The following ANGEL1 variants were observed in gnomAD, a reference collection of about 807,000 sequenced individuals.
ANGEL1 encodes angel homolog 1.
ANGEL1 carries 62 observed loss-of-function variants against 76.4 expected under a neutral mutation model. That is an observed-to-expected ratio of 0.81 (90% CI 0.66 to 1.00). ANGEL1 has a LOEUF of 1.00. Among genes scored for constraint, ANGEL1 ranks in the 50% least tolerant of loss-of-function variants. ANGEL1 has a pLI of 0.00. For synonymous variants in ANGEL1, 340 were observed against 331.7 expected (o/e 1.03, Z -0.27); for missense variants, 737 against 836.7 (o/e 0.88, Z 1.47).
At position 76,809,626 on chromosome 14, in the gene ANGEL1, G is replaced by A. The variant is rs146648609; in HGVS notation, c.82C>T (p.Arg28Ter). The A allele has an allele frequency of 1.1e-3, 1,785 of 1,612,924 alleles. 4 individuals are homozygous for A. The highest frequency in any genetic ancestry group is 4.7e-3 in the South Asian group (427 of 91,028). ...RALSDAFFTC[R>*]KNVLLANSSS... ...CTGTTCGCCAGAAGGACATTTTTTCGACATGTGAAGAAAGCATCTAGGAGG... is the reference window on the plus strand; with the variant it reads ...CTGTTCGCCAGAAGGACATTTTTTCAACATGTGAAGAAAGCATCTAGGAGG... The change falls in exon 2 of 10, where the codon CGA (arginine) becomes TGA (stop). Residue 28 changes from arginine to a stop codon, truncating the protein, a stop_gained. Coordinates refer to ENST00000251089, the MANE Select transcript of ANGEL1 (RefSeq NM_015305.4). LOFTEE classifies it high-confidence loss of function.
Position 76,812,788 on chromosome 14 carries a change from T to C in ANGEL1, c.40A>G (p.Thr14Ala), listed in dbSNP as rs1419216503. The C allele has an allele frequency of 2.0e-6, 3 of 1,522,086 alleles. No homozygotes were observed. The highest frequency in any genetic ancestry group is 2.8e-5 in the African/African-American group (2 of 70,310). The allele number at this position is 1,522,086 out of a possible 1,614,324, so 94.3% of individuals were successfully genotyped here. Reference sequence around the variant, plus strand: ...CCTGAGAGGGCGCGGAAGAGGCGCGTGGCCGGCAGCAGCAGGTAACACAAG... The same window carrying C: ...CCTGAGAGGGCGCGGAAGAGGCGCGCGGCCGGCAGCAGCAGGTAACACAAG... The part of the protein sequence containing the change: ...SCLCYLLLPA[T>A]RLFRALSDAF... The change falls in exon 1 of 10, where the codon ACG becomes GCG. Residue 14 changes from threonine (T) to alanine (A), a missense_variant. Coordinates refer to ENST00000251089, the MANE Select transcript of ANGEL1 (RefSeq NM_015305.4).
chr14:76,809,562 G>C lies in ANGEL1; in HGVS notation c.146C>G (p.Pro49Arg). ...PQVEGDFAMA[P>R]RGPEQEECEG... ...ACATTCCTCCTGCTCAGGGCCCCGA[G>C]GGGCCATGGCAAAGTCGCCCTCTAC... is the stretch of plus-strand genomic sequence containing the variant. Residue 49 changes from proline (P) to arginine (R), a missense_variant, in exon 2 of 10, where the codon CCT becomes CGT. This residue lies in a region of ANGEL1 where 441 missense variants were observed against 449.5 expected (regional missense o/e 0.98). Coordinates refer to ENST00000251089, the MANE Select transcript of ANGEL1 (RefSeq NM_015305.4). 6.2e-7 allele frequency: 1 copy of C among 1,614,212 alleles called. No individual in the cohort carries two copies. Among genetic ancestry groups the C allele is most frequent in the Non-Finnish European group, 8.5e-7 (1 of 1,180,054 alleles).
chr14:76,806,825 C>T lies in ANGEL1; in HGVS notation c.971G>A (p.Arg324Lys), dbSNP rs1220115944. ...MMGFTCFYKR[R>K]TGCKTDGCAV... ...ACAGCCATCGGTTTTACACCCAGTC[C>T]TCCTCTTGTAGAAACAGGTAAAGCC... Residue 324 changes from arginine (R) to lysine (K), a missense_variant, in exon 5 of 10, where the codon AGG becomes AAG. By Grantham distance (26) the Arg-to-Lys change is conservative. Coordinates refer to ENST00000251089, the MANE Select transcript of ANGEL1 (RefSeq NM_015305.4). 1 of 1,613,716 alleles carries T rather than the reference C, an allele frequency of 6.2e-7. No homozygotes were observed. The highest frequency in any genetic ancestry group is 1.3e-5 in the African/African-American group (1 of 75,046).
chr14:76,791,166 C>A, intron 8 of ANGEL1, 131 bp downstream of exon 8: 3 of 1,003,230 alleles, frequency 3.0e-6, no homozygotes, highest in Middle Eastern at 3.1e-4. Context: ...ATAAGTTTAG[C>A]AGATATTAGG....
intron 7 of ANGEL1, among the ~76,000 whole-genome samples, chr14:76,797,689 T>C (rs984419064): frequency 6.6e-6 from 1 of 152,266 alleles, no homozygotes; most frequent in Non-Finnish European, 1.5e-5. Flanking sequence ...GCCTTTGCTG[T>C]GTGACTGTGT....
At chr14:76,795,430 T>G (rs1894548088) in intron 7 of ANGEL1, among the ~76,000 whole-genome samples, 4 of 152,218 alleles carry the variant, frequency 2.6e-5, no homozygotes, top group Middle Eastern at 3.2e-3. Flanking sequence ...TGCATCAATA[T>G]TCACAGGTGG....
intron 1 of ANGEL1, 86 bp downstream of exon 1, chr14:76,812,677 GC>G: frequency 1.4e-6 from 2 of 1,404,840 alleles, no homozygotes; most frequent in Middle Eastern, 2.5e-4. Flanking sequence ...GTGAGGCCCG[GC>G]CAACCGCACG....
chr14:76,806,007 C>G (rs546281309), intron 5 of ANGEL1, among the ~76,000 whole-genome samples: 1 of 152,288 alleles, frequency 6.6e-6, no homozygotes, highest in Admixed American at 6.5e-5. Flanking sequence ...ATTACAATAT[C>G]ATAGGAACAT....
chr14:76,812,599 A>G, intron 1 of ANGEL1, 165 bp downstream of exon 1: 1 of 1,299,624 alleles, frequency 7.7e-7, no homozygotes, highest in Non-Finnish European at 9.8e-7. Context: ...TGGGGTCAGG[A>G]GGGGCCCGCG....
intron 1 of ANGEL1, chr14:76,810,237 C>A (rs571322277): frequency 2.2e-5 from 10 of 454,748 alleles, no homozygotes; most frequent in African/African-American, 8.0e-5. Context: ...GCCTGGGCAA[C>A]ATAACGAAAC....
intron 8 of ANGEL1, 66 bp downstream of exon 8, chr14:76,791,231 G>A: frequency 6.4e-7 from 1 of 1,550,502 alleles, no homozygotes; most frequent in Non-Finnish European, 8.9e-7. Context: ...GACAACCAAT[G>A]GGAATCTCTC....
At chr14:76,802,864 T>C (rs1894807389) in intron 7 of ANGEL1, among the ~76,000 whole-genome samples, 1 of 152,236 alleles carries the variant, frequency 6.6e-6, no homozygotes, top group African/African-American at 2.4e-5. Flanking sequence ...TATCTTCAAA[T>C]TTCCCAGTTT....
chr14:76,787,243 T>C lies in ANGEL1; in HGVS notation c.*1985A>G, dbSNP rs929341691. 13 of 151,790 alleles carry C rather than the reference T, an allele frequency of 8.6e-5. No homozygotes were observed. The highest frequency in any genetic ancestry group is 1.5e-4 in the African/African-American group (6 of 41,334). 9.4% of individuals were successfully genotyped at this position (151,790 alleles called of 1,614,324 possible). On this transcript the variant is annotated 3_prime_UTR_variant, in exon 10 of 10. Transcript: ENST00000251089. The stretch of plus-strand genomic sequence containing the variant: ...CAGGATCCTAATAAAATGAACAACA[T>C]TGGGGGGAAAAAAGGTAAACCTTTA...
rs376409161 is a variant in ANGEL1, at chr14:76,803,916, G to C, written c.1381-4C>G. ...AGAAGTCTTCCTGTCCAGATACCTG[G>C]GTGGAAAAAGAAGGGTGGGAATAAG... is the stretch of plus-strand genomic sequence containing the variant. On this transcript the variant is annotated splice_polypyrimidine_tract_variant and splice_region_variant and intron_variant, in intron 5 of 9. Coordinates refer to ENST00000251089, the MANE Select transcript of ANGEL1 (RefSeq NM_015305.4). The C allele has an allele frequency of 4.4e-5, 71 of 1,613,988 alleles. No homozygotes were observed. In the African/African-American group the frequency reaches 8.5e-4, roughly 19 times the overall value.
Position 76,809,502 on chromosome 14 carries a change from A to C in ANGEL1, c.206T>G (p.Leu69Trp), listed in dbSNP as rs773312655. 1 of 1,614,248 alleles carries C rather than the reference A, an allele frequency of 6.2e-7. No individual in the cohort carries two copies. The highest frequency in any genetic ancestry group is 8.5e-7 in the Non-Finnish European group (1 of 1,180,046). Residue 69 changes from leucine (L) to tryptophan (W), a missense_variant, in exon 2 of 10, where the codon TTG becomes TGG. This residue lies in a region of ANGEL1 where 441 missense variants were observed against 449.5 expected (regional missense o/e 0.98). Transcript: ENST00000251089. ...ACTTGCAGTTGAGAGCACCTGGCTC[A>C]ACCCTTCTTCTCGCCACTGCTGCAG... Reference protein sequence around the residue: ...GLLQQWREEGLSQVLSTASEG... With the variant: ...GLLQQWREEGWSQVLSTASEG...
chr14:76,809,260 T>C lies in ANGEL1; in HGVS notation c.448A>G (p.Ile150Val). The C allele has an allele frequency of 6.2e-7, 1 of 1,613,294 alleles. No homozygotes were observed. The change falls in exon 2 of 10, where the codon ATC (isoleucine) becomes GTC (valine). Residue 150 changes from isoleucine (I) to valine (V), a missense_variant. This residue lies in a region of ANGEL1 where 441 missense variants were observed against 449.5 expected (regional missense o/e 0.98). Transcript: ENST00000251089. ...TACTGGGGCTCCGACTGCATGGGGA[T>C]AGCTGCCCACATGGAGCCCTCCACC... ...EGVEGSMWAA[I>V]PMQSEPQYAD... is the part of the protein sequence containing the mutation.
chr14:76,806,218 A>T (rs188326943), intron 5 of ANGEL1, among the ~76,000 whole-genome samples, 198 bp downstream of exon 5: 5 of 152,342 alleles, frequency 3.3e-5, no homozygotes, highest in Admixed American at 3.3e-4. Context: ...AAAAACTGAA[A>T]AAAATTCCAA....
At chr14:76,790,857 A>G in intron 8 of ANGEL1, 83 bp from the exon 9 acceptor site, 1 of 1,445,736 alleles carries the variant, frequency 6.9e-7, no homozygotes, top group Non-Finnish European at 9.1e-7. Context: ...TTTTATGAAG[A>G]TTTTTTAAAA....
chr14:76,792,011 C>T (rs969770651), intron 7 of ANGEL1, among the ~76,000 whole-genome samples: 3 of 152,018 alleles, frequency 2.0e-5, no homozygotes, highest in African/African-American at 7.2e-5. Context: ...AGTGACAAGC[C>T]CTTAGCTAGA....
Sources: gnomAD v4.1 joint callset for allele counts (sites outside exome capture counted in the v4.1 genomes callset) on GRCh38, gnomAD v4.1.1 for gene constraint, gnomAD v4.1.1 regional missense constraint, MANE v1.5 for transcripts, NCBI Gene and HGNC (gene_info 2026-07-23, HGNC 2026-07-21) for gene names.